Variants in SMIM10L1 observed in about 807,000 individuals in gnomAD.
SMIM10L1 encodes small integral membrane protein 10-like protein 1.
Under a neutral mutation model 4.5 loss-of-function variants are expected in SMIM10L1, and 6 were observed. The observed-to-expected ratio is 1.33, with a 90% confidence interval of 0.73 to 2.62. The LOEUF is 2.62. Ranked by LOEUF, SMIM10L1 falls within the 30% of genes most tolerant of loss-of-function variation. The probability of loss-of-function intolerance (pLI) is 0.00; values close to 1 mark genes in which losing one functional copy is unlikely to be tolerated. For synonymous variants in SMIM10L1, 49 were observed against 42.2 expected (o/e 1.16, Z -0.63); for missense variants, 66 against 86.2 (o/e 0.77, Z 0.93).
chr12:11,171,447 C>T lies in SMIM10L1; in HGVS notation c.91C>T (p.Leu31Phe), dbSNP rs1415900054. 3.2e-6 allele frequency: 4 copies of T among 1,231,910 alleles called. No individual in the cohort carries two copies. The highest frequency in any genetic ancestry group is 4.0e-6 in the Non-Finnish European group (4 of 987,950). 76.3% of individuals were successfully genotyped at this position (1,231,910 alleles called of 1,614,324 possible). ...CTCGTACGGCGTCTTCTGCAAGGGG[C>T]TCTCCCGCACCCTGCTCGCCTTCTT... is the stretch of plus-strand genomic sequence containing the variant. ...PTSYGVFCKG[L>F]SRTLLAFFEL... Residue 31 changes from leucine to phenylalanine, a missense_variant, in exon 1 of 1, where the codon CTC becomes TTC. Coordinates refer to ENST00000622602, the MANE Select transcript of SMIM10L1 (RefSeq NM_001271592.2).
At position 11,174,327 on chromosome 12, in the gene SMIM10L1, C is replaced by G. The variant is rs1466851394; in HGVS notation, c.*2764C>G. 1.3e-5 allele frequency: 2 copies of G among 152,084 alleles called. No homozygotes were observed. Among genetic ancestry groups the G allele is most frequent in the Admixed American group, 1.3e-4 (2 of 15,270 alleles). 9.4% of individuals were successfully genotyped at this position (152,084 alleles called of 1,614,324 possible). A position where few individuals can be genotyped will look rare whatever the true frequency, so the allele number is the denominator to read the frequency against. On this transcript the variant is annotated 3_prime_UTR_variant, in exon 1 of 1. Transcript: ENST00000622602. ...CTATCCCCAAGCCTAGAGCACTGCC[C>G]AGTGCGGAATAGCTAATAAATATTG...
rs1031694333 is a variant in SMIM10L1 at position 11,171,496 on chromosome 12, T to G, written c.140T>G (p.Met47Arg). Residue 47 changes from methionine to arginine, a missense_variant, in exon 1 of 1, where the codon ATG becomes AGG. By Grantham distance (91) the Met-to-Arg change is moderately conservative. Transcript: ENST00000622602. ...TTCGAGCTGGCCTGGCAGCTGCGCA[T>G]GAACTTCCCGTACTTCTACGTCGCG... Reference protein sequence around the residue: ...AFFELAWQLRMNFPYFYVAGS... With the variant: ...AFFELAWQLRRNFPYFYVAGS... The G allele has an allele frequency of 8.1e-6, 10 of 1,232,248 alleles. No homozygotes were observed. In the African/African-American group the frequency reaches 1.4e-4, roughly 17 times the overall value. 76.3% of individuals were successfully genotyped at this position (1,232,248 alleles called of 1,614,324 possible).
rs1947845763 is a variant in SMIM10L1, at chr12:11,171,545, A to G, written c.189A>G (p.Arg63=). The G allele has an allele frequency of 8.1e-7, 1 of 1,232,056 alleles. No homozygotes were observed. Among genetic ancestry groups the G allele is most frequent in the Admixed American group, 4.2e-5 (1 of 23,718 alleles). 76.3% of individuals were successfully genotyped at this position (1,232,056 alleles called of 1,614,324 possible). The part of the protein sequence containing the change: ...YVAGSVILNI[R]LQVHI The stretch of plus-strand genomic sequence containing the variant: ...CGGGCTCGGTGATCCTCAACATCCG[A>G]TTGCAGGTACATATTTAGAGCCATG... The change falls in exon 1 of 1, where the codon CGA becomes CGG. Residue 63 remains arginine, a synonymous_variant. Transcript: ENST00000622602.
In SMIM10L1 at chr12:11,171,206, C is replaced by CA. The variant is rs1230217211; in HGVS notation, c.-150dup. The CA allele has an allele frequency of 4.7e-6, 2 of 430,024 alleles. No individual in the cohort carries two copies. Among genetic ancestry groups the CA allele is most frequent in the African/African-American group, 4.1e-5 (2 of 49,280 alleles). 26.6% of individuals were successfully genotyped at this position (430,024 alleles called of 1,614,324 possible). On this transcript the variant is annotated 5_prime_UTR_variant, in exon 1 of 1. Coordinates refer to ENST00000622602, the MANE Select transcript of SMIM10L1 (RefSeq NM_001271592.2). ...CAGCGGCGCCCGGGGCTACGCGCCGCACTGCACCGAGCGGCGGCAGCGGCA... is the reference window on the plus strand; with the variant it reads ...CAGCGGCGCCCGGGGCTACGCGCCGCAACTGCACCGAGCGGCGGCAGCGGCA...
At position 11,171,256 on chromosome 12, in the gene SMIM10L1, G is replaced by C; in HGVS notation, c.-101G>C. The C allele has an allele frequency of 8.9e-6, 7 of 784,336 alleles. No individual in the cohort carries two copies. The highest frequency in any genetic ancestry group is 1.2e-5 in the Non-Finnish European group (7 of 579,280). 48.6% of individuals were successfully genotyped at this position (784,336 alleles called of 1,614,324 possible). A position where few individuals can be genotyped will look rare whatever the true frequency, so the allele number is the denominator to read the frequency against. On this transcript the variant is annotated 5_prime_UTR_variant, in exon 1 of 1. Coordinates refer to ENST00000622602, the MANE Select transcript of SMIM10L1 (RefSeq NM_001271592.2). ...AAGCTTGGGTGTGAGCCCGGGAGCC[G>C]CTTTGCTTACCGTCCTGCCGGTCCC...
At position 11,171,457 on chromosome 12, in the gene SMIM10L1, C is replaced by T; in HGVS notation, c.101C>T (p.Thr34Ile). Residue 34 changes from threonine to isoleucine, a missense_variant, in exon 1 of 1, where the codon ACC (threonine) becomes ATC (isoleucine). Transcript: ENST00000622602. ...YGVFCKGLSR[T>I]LLAFFELAWQ... ...GTCTTCTGCAAGGGGCTCTCCCGCA[C>T]CCTGCTCGCCTTCTTCGAGCTGGCC... The T allele has an allele frequency of 8.1e-7, 1 of 1,232,256 alleles. No homozygotes were observed. The highest frequency in any genetic ancestry group is 3.2e-5 in the East Asian group (1 of 31,696). 76.3% of individuals were successfully genotyped at this position (1,232,256 alleles called of 1,614,324 possible).
Sources: allele counts gnomAD v4.1 joint callset, GRCh38; gene constraint gnomAD v4.1.1; transcripts MANE v1.5; gene names NCBI Gene and HGNC (gene_info 2026-07-23, HGNC 2026-07-21).